SSBP2: variants seen among roughly 807,000 people sequenced by gnomAD.
SSBP2 encodes the protein single-stranded DNA-binding protein 2.
SSBP2 carries 17 observed loss-of-function variants against 61.8 expected under a neutral mutation model. That is an observed-to-expected ratio of 0.28 (90% CI 0.19 to 0.41). SSBP2 has a LOEUF of 0.41. Ranked by LOEUF, SSBP2 falls within the 10% of genes least tolerant of loss-of-function variation. SSBP2 has a pLI of 1.00. For synonymous variants in SSBP2, 139 were observed against 141.3 expected (o/e 0.98, Z 0.12); for missense variants, 310 against 458.7 (o/e 0.68, Z 2.96).
intron 4 of SSBP2, among the ~76,000 whole-genome samples, chr5:81,531,422 C>T (rs1179311354): frequency 6.6e-6 from 1 of 151,708 alleles, no homozygotes; most frequent in Non-Finnish European, 1.5e-5. Flanking sequence ...AGATTATAGT[C>T]CTAAAGGAAT....
intron 4 of SSBP2, among the ~76,000 whole-genome samples, chr5:81,517,239 C>G (rs1363642443): frequency 6.6e-6 from 1 of 151,930 alleles, no homozygotes; most frequent in Admixed American, 6.6e-5. Context: ...GCAGATATAA[C>G]AATATTATCA....
chr5:81,661,514 CTCTTT>C (rs1225649145), intron 1 of SSBP2, among the ~76,000 whole-genome samples: 3 of 112,620 alleles, frequency 2.7e-5, no homozygotes, highest in African/African-American at 1.0e-4. Flanking sequence ...TAACACTTCT[CTCTTT>C]TTTTTTTTAA....
At chr5:81,525,305 T>G (rs535733066) in intron 4 of SSBP2, among the ~76,000 whole-genome samples, 4 of 152,034 alleles carry the variant, frequency 2.6e-5, no homozygotes, top group African/African-American at 7.2e-5. Flanking sequence ...TATCCAGTAG[T>G]TATTTTTTCT....
intron 12 of SSBP2, 68 bp downstream of exon 12, chr5:81,446,800 A>G (rs905188169): frequency 1.3e-6 from 2 of 1,487,492 alleles, no homozygotes; most frequent in African/African-American, 2.8e-5. Flanking sequence ...TATTTCATGA[A>G]CAATTTCTAT....
intron 4 of SSBP2, among the ~76,000 whole-genome samples, chr5:81,600,150 T>C (rs1744203739): frequency 6.6e-6 from 1 of 152,200 alleles, no homozygotes; most frequent in Non-Finnish European, 1.5e-5. Context: ...GTAGATTAAA[T>C]GCTAGAAATA....
At chr5:81,638,705 T>C (rs1748496323) in intron 2 of SSBP2, among the ~76,000 whole-genome samples, 5 of 152,200 alleles carry the variant, frequency 3.3e-5, no homozygotes. Flanking sequence ...TATTTAGGGT[T>C]GTGCCAAACA....
chr5:81,432,797 G>A (rs1762385348), intron 15 of SSBP2, among the ~76,000 whole-genome samples: 1 of 124,286 alleles, frequency 8.0e-6, no homozygotes, highest in African/African-American at 3.4e-5. Flanking sequence ...CCCCGTCCGG[G>A]AGGGAGGTGG....
At chr5:81,538,968 C>A (rs562822764) in intron 4 of SSBP2, among the ~76,000 whole-genome samples, 1 of 152,116 alleles carries the variant, frequency 6.6e-6, no homozygotes, top group Non-Finnish European at 1.5e-5. Context: ...TGGATCATGG[C>A]GTAACTTTGA....
intron 3 of SSBP2, among the ~76,000 whole-genome samples, chr5:81,627,404 C>A (rs1371649506): frequency 6.6e-6 from 1 of 152,142 alleles, no homozygotes; most frequent in Non-Finnish European, 1.5e-5. Context: ...TAACCCAACT[C>A]AAATAGTTAT....
At chr5:81,547,249 G>T (rs1771808164) in intron 4 of SSBP2, among the ~76,000 whole-genome samples, 1 of 152,068 alleles carries the variant, frequency 6.6e-6, no homozygotes. Flanking sequence ...TCCAGCAACT[G>T]CTCTCCTTGA....
intron 5 of SSBP2, among the ~76,000 whole-genome samples, chr5:81,508,060 C>T (rs1768315602): frequency 1.3e-5 from 2 of 152,046 alleles, no homozygotes; most frequent in Admixed American, 6.6e-5. Flanking sequence ...CATATCGATG[C>T]TTTTAATACA....
chr5:81,695,385 A>G (rs918069464), intron 1 of SSBP2, among the ~76,000 whole-genome samples: 2 of 152,204 alleles, frequency 1.3e-5, no homozygotes, highest in Non-Finnish European at 2.9e-5. Flanking sequence ...GTTCTAGGGT[A>G]CATGTGCACA....
At chr5:81,727,812 C>A (rs1755993218) in intron 1 of SSBP2, among the ~76,000 whole-genome samples, 1 of 152,172 alleles carries the variant, frequency 6.6e-6, no homozygotes, top group African/African-American at 2.4e-5. Flanking sequence ...GGTCCCTGCA[C>A]TCATGGAGTT....
intron 1 of SSBP2, among the ~76,000 whole-genome samples, chr5:81,655,068 T>C (rs895562361): frequency 1.3e-5 from 2 of 152,070 alleles, no homozygotes; most frequent in African/African-American, 4.8e-5. Context: ...GAGGATCACC[T>C]GAGCCCAGGA....
intron 1 of SSBP2, among the ~76,000 whole-genome samples, chr5:81,728,874 C>A (rs941335139): frequency 4.6e-5 from 7 of 152,052 alleles, no homozygotes; most frequent in African/African-American, 1.4e-4. Context: ...AATGCTATAA[C>A]CAGTAACAAA....
At chr5:81,545,959 C>T (rs1771698565) in intron 4 of SSBP2, among the ~76,000 whole-genome samples, 3 of 152,098 alleles carry the variant, frequency 2.0e-5, no homozygotes, top group Admixed American at 2.0e-4. Flanking sequence ...CTTCCTTTTC[C>T]CTAAAATAGT....
intron 1 of SSBP2, among the ~76,000 whole-genome samples, chr5:81,724,286 T>C (rs1755731807): frequency 6.6e-6 from 1 of 152,048 alleles, no homozygotes; most frequent in South Asian, 2.1e-4. Flanking sequence ...TTCTCTTCTA[T>C]TAGTTATGTC....
intron 1 of SSBP2, among the ~76,000 whole-genome samples, chr5:81,669,631 A>G (rs1173779821): frequency 2.6e-5 from 4 of 152,108 alleles, no homozygotes; most frequent in Non-Finnish European, 5.9e-5. Context: ...GATGGGGAAC[A>G]TCACACACCA....
intron 4 of SSBP2, among the ~76,000 whole-genome samples, chr5:81,545,362 A>AT (rs577320218): frequency 2.0e-5 from 3 of 152,150 alleles, no homozygotes; most frequent in Non-Finnish European, 2.9e-5. Flanking sequence ...GAAATTTGGG[A>AT]TTTTTTTACA....
Sources: allele counts gnomAD v4.1 joint callset (sites outside exome capture counted in the v4.1 genomes callset), GRCh38; gene constraint gnomAD v4.1.1; transcripts MANE v1.5; gene names NCBI Gene and HGNC (gene_info 2026-07-23, HGNC 2026-07-21).